Variants in ZNF713 observed in about 807,000 individuals in gnomAD.
ZNF713 encodes zinc finger protein 713.
ZNF713 carries 21 observed loss-of-function variants against 28.7 expected under a neutral mutation model. The observed-to-expected ratio is 0.73, with a 90% CI of 0.52 to 1.05. The LOEUF (loss-of-function observed/expected upper bound fraction) is 1.05. Ranked by LOEUF, ZNF713 falls within the 50% of genes least tolerant of loss-of-function variation. The pLI is 0.00. For missense variants in ZNF713, 458 were observed against 532.4 expected (o/e 0.86, Z 1.37); for synonymous variants, 167 against 178.0 (o/e 0.94, Z 0.49).
chr7:55,929,461 T>C (rs986462850), intron 6 of ZNF713, among the ~76,000 whole-genome samples: 5 of 152,200 alleles, frequency 3.3e-5, no homozygotes, highest in African/African-American at 1.2e-4. Context: ...CAACTGGTGC[T>C]TTTGAAATGT....
At chr7:55,913,116 G>T (rs1337154771) in intron 4 of ZNF713, among the ~76,000 whole-genome samples, 4 of 151,848 alleles carry the variant, frequency 2.6e-5, no homozygotes, top group Admixed American at 2.0e-4. Context: ...AATGCCTGAG[G>T]GTAACATCTA....
intron 5 of ZNF713, 77 bp downstream of exon 5, chr7:55,923,365 T>A (rs1584313056): frequency 2.0e-6 from 3 of 1,527,276 alleles, no homozygotes; most frequent in Non-Finnish European, 2.6e-6. Context: ...CCTGCAAAGT[T>A]TTTGTGAATA....
At chr7:55,891,703 CAT>C (rs1562733543) in intron 1 of ZNF713, among the ~76,000 whole-genome samples, 1 of 151,652 alleles carries the variant, frequency 6.6e-6, no homozygotes, top group East Asian at 2.0e-4. Context: ...AAAACAAAAA[CAT>C]AAATAAACAG....
In ZNF713 at chr7:55,913,651, G is replaced by A. The variant is rs201124639; in HGVS notation, c.87+928G>A. Among the ~76,000 whole-genome samples, 3 of 152,174 alleles carry A rather than the reference G, an allele frequency of 2.0e-5. No individual in the cohort carries two copies. In the East Asian group the frequency reaches 5.8e-4, roughly 29 times the overall value. On this transcript the variant is annotated intron_variant, in intron 4 of 6. Coordinates refer to ENST00000429591, the MANE Select transcript of ZNF713 (RefSeq NM_182633.3). Reference sequence around the variant, plus strand: ...TTTAAAAATTGCTATCAAATTAGGTGTTAGCAATACTACCTCACTGAAGAA... The same window carrying A: ...TTTAAAAATTGCTATCAAATTAGGTATTAGCAATACTACCTCACTGAAGAA...
At chr7:55,938,078 C>A (rs1786389300) in intron 6 of ZNF713, among the ~76,000 whole-genome samples, 1 of 151,984 alleles carries the variant, frequency 6.6e-6, no homozygotes, top group Admixed American at 6.6e-5. Flanking sequence ...ATGGTACATA[C>A]CTGTAATCCC....
chr7:55,895,362 A>G (rs1289163871), intron 1 of ZNF713, among the ~76,000 whole-genome samples: 1 of 151,110 alleles, frequency 6.6e-6, no homozygotes, highest in Non-Finnish European at 1.5e-5. Flanking sequence ...GTTGCTATTC[A>G]TTGAGATCGG....
In ZNF713 at chr7:55,940,090, T is replaced by G. The variant is rs1477281006; in HGVS notation, c.*84T>G. Reference sequence around the variant, plus strand: ...TTTTATCCCATTCAATATCAAATTATTCATAGTGGAGAGAAAGCTTATACA... The same window carrying G: ...TTTTATCCCATTCAATATCAAATTAGTCATAGTGGAGAGAAAGCTTATACA... On this transcript the variant is annotated 3_prime_UTR_variant, in exon 7 of 7. Transcript: ENST00000429591. 6.1e-6 allele frequency: 9 copies of G among 1,482,802 alleles called. No individual in the cohort carries two copies. Among genetic ancestry groups the G allele is most frequent in the Non-Finnish European group, 8.0e-6 (9 of 1,122,804 alleles). 91.9% of individuals were successfully genotyped at this position (1,482,802 alleles called of 1,614,324 possible). A position where few individuals can be genotyped will look rare whatever the true frequency, so the allele number is the denominator to read the frequency against.
At chr7:55,937,364 G>A (rs543313799) in intron 6 of ZNF713, among the ~76,000 whole-genome samples, 5 of 152,118 alleles carry the variant, frequency 3.3e-5, no homozygotes, top group South Asian at 2.1e-4. Context: ...GGGCAGGGGC[G>A]AGCAGGGAAG....
chr7:55,928,875 T>G (rs1358995979), intron 6 of ZNF713, among the ~76,000 whole-genome samples: 2 of 150,936 alleles, frequency 1.3e-5, no homozygotes, highest in East Asian at 3.9e-4. Flanking sequence ...CTCACACCTG[T>G]AATCCCAGCA....
intron 1 of ZNF713, among the ~76,000 whole-genome samples, chr7:55,895,263 A>C (rs1276497332): frequency 6.6e-6 from 1 of 152,148 alleles, no homozygotes; most frequent in Non-Finnish European, 1.5e-5. Flanking sequence ...ACTGAAGGGA[A>C]TACGTATACC....
rs1263490941 is a variant in ZNF713, at chr7:55,940,856, C to T, written c.*850C>T. 1 of 141,468 alleles carries T rather than the reference C, an allele frequency of 7.1e-6. No individual in the cohort carries two copies. Among genetic ancestry groups the T allele is most frequent in the Non-Finnish European group, 1.5e-5 (1 of 65,400 alleles). 8.8% of individuals were successfully genotyped at this position (141,468 alleles called of 1,614,324 possible). A position where few individuals can be genotyped will look rare whatever the true frequency, so the allele number is the denominator to read the frequency against. ...TTTGAGGCAGAGTCTCGCTCTGCCA[C>T]CCAGGCTGGAGTGCAATGGCGCGAT... On this transcript the variant is annotated 3_prime_UTR_variant, in exon 7 of 7. Coordinates refer to ENST00000429591, the MANE Select transcript of ZNF713 (RefSeq NM_182633.3).
chr7:55,890,135 C>A (rs1785351623), intron 1 of ZNF713, among the ~76,000 whole-genome samples: 1 of 152,086 alleles, frequency 6.6e-6, no homozygotes, highest in African/African-American at 2.4e-5. Context: ...GATTAAGACC[C>A]CACCTTTATG....
chr7:55,902,643 T>C (rs1020535987), intron 1 of ZNF713, among the ~76,000 whole-genome samples: 10 of 152,168 alleles, frequency 6.6e-5, no homozygotes, highest in Non-Finnish European at 1.3e-4. Context: ...CTCTTAAATA[T>C]ATGTAATGTC....
rs1397670794 is a variant in ZNF713 at position 55,939,752 on chromosome 7, C to T, written c.1078C>T (p.His360Tyr). ...AFSRITSLTEHHRLHTGEKPY... is the reference protein window; with the variant it reads ...AFSRITSLTEYHRLHTGEKPY... Reference sequence around the variant, plus strand: ...TAGCCGCATCACATCCCTTACTGAACATCATAGACTTCATACCGGAGAGAA... The same window carrying T: ...TAGCCGCATCACATCCCTTACTGAATATCATAGACTTCATACCGGAGAGAA... The change falls in exon 7 of 7, where the codon CAT becomes TAT. Residue 360 changes from histidine to tyrosine, a missense_variant. Physicochemically the swap from His to Tyr is moderately conservative, Grantham distance 83 (BLOSUM62 2). Transcript: ENST00000429591. 9 of 1,614,174 alleles carry T rather than the reference C, an allele frequency of 5.6e-6. No individual in the cohort carries two copies. The highest frequency in any genetic ancestry group is 7.6e-6 in the Non-Finnish European group (9 of 1,180,034).
At chr7:55,901,758 AG>A (rs1785582480) in intron 1 of ZNF713, among the ~76,000 whole-genome samples, 1 of 152,252 alleles carries the variant, frequency 6.6e-6, no homozygotes, top group Admixed American at 6.5e-5. Context: ...GTGAACACAA[AG>A]GATTTAACCT....
In ZNF713 at chr7:55,913,437, G is replaced by A. The variant is rs575168731; in HGVS notation, c.87+714G>A. 2.1e-4 allele frequency among the ~76,000 whole-genome samples: 32 copies of A among 151,922 alleles called. No homozygotes were observed. The South Asian group carries it at 6.5e-3, about 31-fold the overall frequency. On this transcript the variant is annotated intron_variant, in intron 4 of 6. Coordinates refer to ENST00000429591, the MANE Select transcript of ZNF713 (RefSeq NM_182633.3). ...AGGATGGTCTCGATCTTCTGTCCTC[G>A]TGATGCACCCACCTCAGCCTCCCAA...
chr7:55,893,332 A>T (rs918562737), intron 1 of ZNF713, among the ~76,000 whole-genome samples: 2 of 152,234 alleles, frequency 1.3e-5, no homozygotes, highest in African/African-American at 4.8e-5. Context: ...ATCTCATGCT[A>T]TAGATTGAAT....
rs752222972 is a variant in ZNF713, at chr7:55,923,181, A to C, written c.107A>C (p.Asp36Ala). The C allele has an allele frequency of 6.2e-6, 10 of 1,612,634 alleles. No individual in the cohort carries two copies. In the South Asian group the frequency reaches 9.9e-5, roughly 16 times the overall value. The stretch of plus-strand genomic sequence containing the variant: ...TTTCAGGAATCACTGACGTTTCAGG[A>C]TGTGGCCGTGGACTTCACCAGAGAG... ...VRSQESLTFQ[D>A]VAVDFTREEW... The change falls in exon 5 of 7, where the codon GAT becomes GCT. Residue 36 changes from aspartate to alanine, a missense_variant. Physicochemically the swap from Asp to Ala is moderately radical, Grantham distance 126 (BLOSUM62 -2). Transcript: ENST00000429591.
intron 6 of ZNF713, among the ~76,000 whole-genome samples, chr7:55,933,602 C>T (rs1408380050): frequency 6.6e-6 from 1 of 151,928 alleles, no homozygotes; most frequent in East Asian, 1.9e-4. Context: ...CCGGCTTCCT[C>T]CTATAATTTT....
Sources: gnomAD v4.1 joint callset for allele counts (sites outside exome capture counted in the v4.1 genomes callset) on GRCh38, gnomAD v4.1.1 for gene constraint, MANE v1.5 for transcripts, NCBI Gene and HGNC (gene_info 2026-07-23, HGNC 2026-07-21) for gene names.